Variants in NTRK3 observed in about 807,000 individuals in gnomAD.
NTRK3 encodes the protein NT-3 growth factor receptor.
NTRK3 carries 24 observed loss-of-function variants against 91.7 expected under a neutral mutation model. The ratio of observed to expected loss-of-function variants is 0.26; its 90% CI spans 0.19 to 0.37. NTRK3 has a LOEUF of 0.37. NTRK3 is among the 10% of genes least tolerant of loss of function. NTRK3 has a pLI of 1.00. For missense variants in NTRK3, 880 were observed against 1,068.9 expected (o/e 0.82, Z 2.46); for synonymous variants, 483 against 404.0 (o/e 1.20, Z -2.34).
At chr15:88,105,678 G>A (rs923172711) in intron 13 of NTRK3, among the ~76,000 whole-genome samples, 2 of 151,956 alleles carry the variant, frequency 1.3e-5, no homozygotes, top group Admixed American at 1.3e-4. Context: ...CAAAGGAAAG[G>A]TACCTCATGA....
intron 14 of NTRK3, chr15:87,979,361 C>T (rs2074000772): frequency 1.2e-6 from 2 of 1,613,150 alleles, no homozygotes; most frequent in Non-Finnish European, 1.7e-6. Context: ...GCCATGACGT[C>T]CTTTGCTGAA....
intron 13 of NTRK3, among the ~76,000 whole-genome samples, chr15:88,046,990 C>T (rs1190285120): frequency 2.0e-5 from 3 of 152,186 alleles, no homozygotes; most frequent in Admixed American, 2.0e-4. Flanking sequence ...CTCCTGTCTA[C>T]GTGCCTGCCC....
chr15:87,895,867 T>C (rs1189530546), intron 17 of NTRK3, among the ~76,000 whole-genome samples: 1 of 151,980 alleles, frequency 6.6e-6, no homozygotes, highest in Non-Finnish European at 1.5e-5. Flanking sequence ...CACAATCCTT[T>C]ATCTTAACCT....
chr15:88,097,799 C>A (rs1007133276), intron 13 of NTRK3, among the ~76,000 whole-genome samples: 2 of 152,130 alleles, frequency 1.3e-5, no homozygotes, highest in Non-Finnish European at 2.9e-5. Context: ...ATTGCATCTA[C>A]AGCATGATAA....
At chr15:88,180,967 C>A (rs2046402695) in intron 5 of NTRK3, among the ~76,000 whole-genome samples, 1 of 152,188 alleles carries the variant, frequency 6.6e-6, no homozygotes. Context: ...CTGCCTCATC[C>A]TATTGACTCG....
exon 19 of NTRK3, chr15:87,877,080 G>C (rs1266259629): frequency 6.2e-7 from 1 of 1,614,032 alleles, no homozygotes; most frequent in Non-Finnish European, 8.5e-7. Context: ...GCAGACTCGG[G>C]GCCGCTCCAA....
chr15:88,132,681 G>A (rs1164960780), intron 10 of NTRK3, among the ~76,000 whole-genome samples: 2 of 152,176 alleles, frequency 1.3e-5, no homozygotes, highest in African/African-American at 2.4e-5. Flanking sequence ...AGGCTTAGCT[G>A]GGGTGAGTTC....
At chr15:88,077,085 C>T (rs1313239182) in intron 13 of NTRK3, among the ~76,000 whole-genome samples, 1 of 152,124 alleles carries the variant, frequency 6.6e-6, no homozygotes, top group African/African-American at 2.4e-5. Context: ...CAGAGCTAGA[C>T]TCCATCAAAT....
chr15:88,093,574 C>T (rs1256022363), intron 13 of NTRK3, among the ~76,000 whole-genome samples: 1 of 152,166 alleles, frequency 6.6e-6, no homozygotes, highest in Non-Finnish European at 1.5e-5. Context: ...GCTCTGTCTT[C>T]ATCTCAAAGT....
In NTRK3 at chr15:87,985,726, G is replaced by A. The variant is rs777391296; in HGVS notation, c.1586-44973C>T. Among the ~76,000 whole-genome samples the A allele has an allele frequency of 5.3e-4, 80 of 152,168 alleles. 3 individuals carry two copies. The highest frequency in any genetic ancestry group is 2.1e-4 in the South Asian group (1 of 4,820). On this transcript the variant is annotated intron_variant, in intron 14 of 18. Transcript: ENST00000394480. ...GCGTCATGCCCACAGGAAGTCACAGGGGGAGGACATCCATGCCTGGCTGAG... is the reference window on the plus strand; with the variant it reads ...GCGTCATGCCCACAGGAAGTCACAGAGGGAGGACATCCATGCCTGGCTGAG...
intron 13 of NTRK3, among the ~76,000 whole-genome samples, chr15:88,055,224 C>A (rs2045578087): frequency 1.3e-5 from 2 of 152,156 alleles, no homozygotes; most frequent in Admixed American, 1.3e-4. Context: ...CCCTCCCCAC[C>A]TCTCTATTGG....
In NTRK3 at chr15:88,235,458, G is replaced by A. The variant is rs1044427162; in HGVS notation, c.248+20448C>T. 1.3e-5 allele frequency among the ~76,000 whole-genome samples: 2 copies of A among 152,182 alleles called. No individual in the cohort carries two copies. Among genetic ancestry groups the A allele is most frequent in the African/African-American group, 4.8e-5 (2 of 41,442 alleles). ...AGGACTCGCAGCTAAACCATTGTGGGAGAGAGACACAAGCCCAGGGGAGTT... is the reference window on the plus strand; with the variant it reads ...AGGACTCGCAGCTAAACCATTGTGGAAGAGAGACACAAGCCCAGGGGAGTT... On this transcript the variant is annotated intron_variant, in intron 3 of 18. Transcript: ENST00000394480. The surrounding 1 kb of genome is among the most constrained non-coding windows in gnomAD (Gnocchi z 5.2).
intron 14 of NTRK3, chr15:87,981,194 TG>T: frequency 6.4e-7 from 1 of 1,555,158 alleles, no homozygotes; most frequent in Non-Finnish European, 8.7e-7. Context: ...GGATCTTTAC[TG>T]CATACAAAGA....
chr15:87,908,050 T>G (rs1438308496), intron 17 of NTRK3, among the ~76,000 whole-genome samples: 1 of 152,138 alleles, frequency 6.6e-6, no homozygotes, highest in Non-Finnish European at 1.5e-5. Context: ...CTTATTTCCT[T>G]ACAGGGAGTC....
At chr15:88,035,362 C>G (rs912973627) in intron 13 of NTRK3, among the ~76,000 whole-genome samples, 1 of 152,176 alleles carries the variant, frequency 6.6e-6, no homozygotes, top group Admixed American at 6.5e-5. Flanking sequence ...TCAGAAGGCT[C>G]AGGAGAGGGC....
intron 13 of NTRK3, among the ~76,000 whole-genome samples, chr15:88,070,045 T>C (rs991332645): frequency 2.0e-5 from 3 of 152,172 alleles, no homozygotes; most frequent in African/African-American, 7.2e-5. Context: ...CTGTTTCTTT[T>C]TGCTCCCTTC....
chr15:87,951,849 G>T (rs117884407), intron 14 of NTRK3, among the ~76,000 whole-genome samples: 2 of 152,152 alleles, frequency 1.3e-5, no homozygotes, highest in African/African-American at 2.4e-5. Context: ...AGACTTGGCC[G>T]GGTGTGGTGG....
chr15:87,865,358 T>A (rs1223507711), exon 19 of NTRK3: 1 of 211,424 alleles, frequency 4.7e-6, no homozygotes. Context: ...GGGCTGTAAA[T>A]GACAGAATAC....
chr15:88,084,227 C>A (rs1201339769), intron 13 of NTRK3, among the ~76,000 whole-genome samples: 3 of 152,038 alleles, frequency 2.0e-5, no homozygotes, highest in African/African-American at 7.2e-5. Context: ...GAGACCCCAA[C>A]CAACTAAAAG....
Sources: gnomAD v4.1 joint callset for allele counts (sites outside exome capture counted in the v4.1 genomes callset) on GRCh38, gnomAD v4.1.1 for gene constraint, Gnocchi (gnomAD v3.1) non-coding constraint, MANE v1.5 for transcripts, NCBI Gene and HGNC (gene_info 2026-07-23, HGNC 2026-07-21) for gene names.